Variants in MYO3A observed in about 807,000 individuals in gnomAD.
MYO3A encodes the protein myosin-IIIa.
Under a neutral mutation model 192.7 loss-of-function variants are expected in MYO3A, and 180 were observed. The observed-to-expected ratio is 0.93, with a 90% CI of 0.83 to 1.06. The LOEUF is 1.06. MYO3A is among the 50% of genes least tolerant of loss of function. The probability of loss-of-function intolerance (pLI) is 0.00; values close to 1 mark genes in which losing one functional copy is unlikely to be tolerated. For synonymous variants in MYO3A, 628 were observed against 645.3 expected (o/e 0.97, Z 0.41); for missense variants, 1,896 against 1,905.0 (o/e 1.00, Z 0.09).
intron 10 of MYO3A, among the ~76,000 whole-genome samples, chr10:26,038,286 C>G (rs1221595598): frequency 6.6e-6 from 1 of 152,098 alleles, no homozygotes; most frequent in Non-Finnish European, 1.5e-5. Context: ...CTGTAGATTG[C>G]TTTGGGTAGT....
intron 14 of MYO3A, among the ~76,000 whole-genome samples, chr10:26,073,995 A>T (rs1433175228): frequency 1.3e-5 from 2 of 152,202 alleles, no homozygotes; most frequent in Non-Finnish European, 2.9e-5. Context: ...ATTGTTTTCA[A>T]AAAAGGAAGC....
intron 4 of MYO3A, among the ~76,000 whole-genome samples, chr10:25,981,901 G>T (rs911788665): frequency 6.6e-6 from 1 of 152,176 alleles, no homozygotes; most frequent in Non-Finnish European, 1.5e-5. Flanking sequence ...GAGACATTTT[G>T]AAGGAACTGG....
At chr10:25,947,439 G>A (rs1222138849) in intron 2 of MYO3A, among the ~76,000 whole-genome samples, 3 of 139,916 alleles carry the variant, frequency 2.1e-5, no homozygotes, top group Non-Finnish European at 3.0e-5. Flanking sequence ...TGATACCCAG[G>A]CTGGAGTGCA....
intron 10 of MYO3A, among the ~76,000 whole-genome samples, chr10:26,059,037 T>G (rs946376808): frequency 2.6e-5 from 4 of 152,190 alleles, no homozygotes; most frequent in Middle Eastern, 3.2e-3. Context: ...ATTAATCTTG[T>G]GTCTGAAAAC....
intron 6 of MYO3A, among the ~76,000 whole-genome samples, chr10:26,001,279 C>G (rs1840791213): frequency 1.3e-5 from 2 of 152,124 alleles, no homozygotes; most frequent in South Asian, 4.1e-4. Context: ...TGGAAAGACT[C>G]AAGTTAGCTT....
intron 10 of MYO3A, among the ~76,000 whole-genome samples, chr10:26,041,822 T>C (rs1843365830): frequency 6.6e-6 from 1 of 152,160 alleles, no homozygotes; most frequent in Non-Finnish European, 1.5e-5. Flanking sequence ...GTTATTGTTT[T>C]TGATTGGTTC....
chr10:25,936,229 GC>G (rs1302123732), intron 2 of MYO3A, among the ~76,000 whole-genome samples: 1 of 151,390 alleles, frequency 6.6e-6, no homozygotes, highest in African/African-American at 2.4e-5. Context: ...CATCTTTATA[GC>G]CTAATTTTTT....
At chr10:26,163,007 A>G (rs780116631) in intron 26 of MYO3A, among the ~76,000 whole-genome samples, 22 of 152,272 alleles carry the variant, frequency 1.4e-4, no homozygotes, top group Non-Finnish European at 2.6e-4. Context: ...TGAGTTACAC[A>G]TACGAAGGCA....
At chr10:26,188,736 A>G (rs909504698) in intron 31 of MYO3A, among the ~76,000 whole-genome samples, 4 of 152,226 alleles carry the variant, frequency 2.6e-5, no homozygotes, top group African/African-American at 9.6e-5. Context: ...CCATTTATTA[A>G]ATAGGGAATC....
chr10:25,964,019 T>C (rs1282116677), intron 4 of MYO3A, among the ~76,000 whole-genome samples: 5 of 152,198 alleles, frequency 3.3e-5, no homozygotes, highest in African/African-American at 1.2e-4. Flanking sequence ...AATAGATTTT[T>C]ATTGTACACA....
intron 4 of MYO3A, among the ~76,000 whole-genome samples, chr10:25,983,374 G>T (rs2130808094): frequency 6.6e-6 from 1 of 151,842 alleles, no homozygotes; most frequent in South Asian, 2.1e-4. Context: ...TCCTGTCTCA[G>T]CCTCCCTAGT....
chr10:26,006,419 TC>T (rs1169502414), intron 6 of MYO3A, among the ~76,000 whole-genome samples: 1 of 152,030 alleles, frequency 6.6e-6, no homozygotes, highest in African/African-American at 2.4e-5. Context: ...AAAAAACCCT[TC>T]AAAAAACTAA....
chr10:26,091,745 A>T (rs567315726), intron 15 of MYO3A, among the ~76,000 whole-genome samples: 2 of 152,364 alleles, frequency 1.3e-5, no homozygotes, highest in South Asian at 2.1e-4. Context: ...GTGAGAAACT[A>T]AGAGAATTTT....
chr10:26,087,716 C>T (rs1836423349), intron 14 of MYO3A, among the ~76,000 whole-genome samples: 1 of 152,192 alleles, frequency 6.6e-6, no homozygotes, highest in African/African-American at 2.4e-5. Flanking sequence ...CCACTCCTCC[C>T]ATTCATACTT....
intron 4 of MYO3A, among the ~76,000 whole-genome samples, chr10:25,969,267 T>C (rs1170732673): frequency 6.6e-6 from 1 of 152,158 alleles, no homozygotes; most frequent in East Asian, 1.9e-4. Flanking sequence ...AGGAGTAGTG[T>C]TGCTGGAATG....
chr10:26,024,109 A>G, intron 9 of MYO3A, 22 bp downstream of exon 9: 1 of 1,592,732 alleles, frequency 6.3e-7, no homozygotes, highest in East Asian at 2.2e-5. Flanking sequence ...CAGTCTTTTA[A>G]AAAACCAAAG....
chr10:26,177,566 C>T (rs1842395917), intron 31 of MYO3A, among the ~76,000 whole-genome samples: 1 of 152,208 alleles, frequency 6.6e-6, no homozygotes, highest in Non-Finnish European at 1.5e-5. Context: ...CATGCCCACT[C>T]CAGGTAGCCA....
At chr10:26,162,105 G>C (rs142849457) in intron 26 of MYO3A, among the ~76,000 whole-genome samples, 1 of 152,316 alleles carries the variant, frequency 6.6e-6, no homozygotes, top group East Asian at 1.9e-4. Flanking sequence ...AGGCAGCAAG[G>C]GTGTGGGTAT....
intron 6 of MYO3A, among the ~76,000 whole-genome samples, chr10:26,003,307 G>T (rs1383827050): frequency 6.6e-6 from 1 of 152,110 alleles, no homozygotes; most frequent in East Asian, 1.9e-4. Context: ...ATAAATAGTT[G>T]CTAAATAATG....
Sources: allele counts gnomAD v4.1 joint callset (sites outside exome capture counted in the v4.1 genomes callset), GRCh38; gene constraint gnomAD v4.1.1; transcripts MANE v1.5; gene names NCBI Gene and HGNC (gene_info 2026-07-23, HGNC 2026-07-21).